ZNG1A: variants seen among roughly 807,000 people sequenced by gnomAD.
ZNG1A encodes Zn regulated GTPase metalloprotein activator 1A, also known as zinc-regulated GTPase metalloprotein activator 1A.
the ZNG1A span, chr9:172,261 C>G: frequency 6.5e-7 from 1 of 1,539,162 alleles, no homozygotes. Flanking sequence ...TTCAACAACC[C>G]GAGACAAAAG....
chr9:143,105 T>C, the ZNG1A span, among the ~76,000 whole-genome samples: 3 of 143,798 alleles, frequency 2.1e-5, no homozygotes, highest in East Asian at 4.2e-4. Context: ...AGCTGAATTC[T>C]ACCAGAGGTA....
the ZNG1A span, among the ~76,000 whole-genome samples, chr9:140,614 CCTCCAAAGGAACGCAGCGCCTCTCCT>C: frequency 6.8e-6 from 1 of 146,350 alleles, no homozygotes; most frequent in African/African-American, 2.6e-5. Flanking sequence ...CGCCTCTCCT[CCTCCAAAGGAACGCAGCGCCTCTCCT>C]CCTCCAAAGG....
At chr9:128,409 G>C in the ZNG1A span, among the ~76,000 whole-genome samples, 1 of 151,822 alleles carries the variant, frequency 6.6e-6, no homozygotes, top group Non-Finnish European at 1.5e-5. Context: ...ATTGGATTCG[G>C]TTAATTAGGA....
chr9:156,425 G>C, the ZNG1A span: 1 of 1,532,450 alleles, frequency 6.5e-7, no homozygotes, highest in East Asian at 2.3e-5. Flanking sequence ...TTTCATCTTA[G>C]TGATTTTTCT....
chr9:126,633 A>G, the ZNG1A span, among the ~76,000 whole-genome samples: 1 of 151,202 alleles, frequency 6.6e-6, no homozygotes, highest in Non-Finnish European at 1.5e-5. Flanking sequence ...TATCAATTTT[A>G]TTTATCTTTT....
chr9:154,412 T>A, the ZNG1A span: 3 of 484,458 alleles, frequency 6.2e-6, no homozygotes, highest in Non-Finnish European at 1.1e-5. Context: ...TGGGTAAAGT[T>A]AGGGAAGACT....
At chr9:140,102 G>A in the ZNG1A span, among the ~76,000 whole-genome samples, 2 of 150,952 alleles carry the variant, frequency 1.3e-5, no homozygotes, top group East Asian at 1.9e-4. Flanking sequence ...GCTGGCCATT[G>A]CCCAGGCTTG....
chr9:170,455 G>C, the ZNG1A span, among the ~76,000 whole-genome samples: 1 of 150,536 alleles, frequency 6.6e-6, no homozygotes, highest in African/African-American at 2.5e-5. Context: ...GCGTGATCTC[G>C]GCTCACCGCA....
the ZNG1A span, chr9:153,777 A>C: frequency 2.0e-5 from 3 of 148,212 alleles, no homozygotes; most frequent in South Asian, 6.6e-4. Flanking sequence ...TATTGATTCA[A>C]TTGATAATAT....
the ZNG1A span, chr9:165,894 T>TA: frequency 8.8e-6 from 1 of 113,038 alleles, no homozygotes; most frequent in African/African-American, 4.1e-5. Flanking sequence ...AGAAACAAAG[T>TA]TATATGTGAT....
At chr9:129,692 T>C in the ZNG1A span, among the ~76,000 whole-genome samples, 738 of 150,336 alleles carry the variant, frequency 4.9e-3, 38 homozygotes, top group African/African-American at 0.018. Context: ...GGCTGTTCAA[T>C]GGGGATAATT....
At chr9:161,325 G>C in the ZNG1A span, among the ~76,000 whole-genome samples, 1 of 151,712 alleles carries the variant, frequency 6.6e-6, no homozygotes, top group Non-Finnish European at 1.5e-5. Context: ...AAAATTAGCT[G>C]GGCATGGTGG....
At chr9:138,273 T>C in the ZNG1A span, among the ~76,000 whole-genome samples, 1 of 151,134 alleles carries the variant, frequency 6.6e-6, no homozygotes, top group Non-Finnish European at 1.5e-5. Flanking sequence ...TGAATAACTG[T>C]GTCACTGACA....
chr9:147,473 C>T, the ZNG1A span: 1 of 120,524 alleles, frequency 8.3e-6, no homozygotes, highest in Non-Finnish European at 1.6e-5. Flanking sequence ...GTACTCGTGG[C>T]AACAATACTG....
the ZNG1A span, among the ~76,000 whole-genome samples, chr9:139,406 A>G: frequency 2.0e-5 from 3 of 148,824 alleles, no homozygotes; most frequent in African/African-American, 5.1e-5. Flanking sequence ...ATAAAGCTTC[A>G]GTTATAAAGA....
At chr9:136,788 C>T in the ZNG1A span, among the ~76,000 whole-genome samples, 1 of 151,844 alleles carries the variant, frequency 6.6e-6, no homozygotes. Context: ...CTTATAATCC[C>T]AGCACTTTAA....
chr9:167,025 G>C, the ZNG1A span: 1 of 151,728 alleles, frequency 6.6e-6, no homozygotes, highest in Non-Finnish European at 1.5e-5. Context: ...ATGATTATAA[G>C]TGACACTTAG....
the ZNG1A span, among the ~76,000 whole-genome samples, chr9:161,938 C>T: frequency 2.0e-5 from 3 of 150,884 alleles, no homozygotes; most frequent in Non-Finnish European, 4.4e-5. Flanking sequence ...GGTACATGCT[C>T]AGGATGTGCA....
At chr9:128,453 T>G in the ZNG1A span, among the ~76,000 whole-genome samples, 1 of 151,702 alleles carries the variant, frequency 6.6e-6, no homozygotes, top group Admixed American at 6.6e-5. Context: ...TTCCTTCTTC[T>G]ACTTGTTCAA....
Sources: allele counts gnomAD v4.1 joint callset (sites outside exome capture counted in the v4.1 genomes callset), GRCh38; gene constraint gnomAD v4.1.1; transcripts MANE v1.5; gene names NCBI Gene and HGNC (gene_info 2026-07-23, HGNC 2026-07-21).